Variants in ZNF219 observed in about 807,000 individuals in gnomAD.
The protein encoded by ZNF219 is zinc finger protein 219.
Under a neutral mutation model 54.4 loss-of-function variants are expected in ZNF219, and 17 were observed. That is an observed-to-expected ratio of 0.31 (90% CI 0.21 to 0.47). The LOEUF (loss-of-function observed/expected upper bound fraction) is 0.47, where lower values mean the gene tolerates loss of function less well. Ranked by LOEUF, ZNF219 falls within the 20% of genes least tolerant of loss-of-function variation. The probability of loss-of-function intolerance (pLI) is 1.00; values close to 1 mark genes in which losing one functional copy is unlikely to be tolerated. For synonymous variants in ZNF219, 518 were observed against 476.4 expected (o/e 1.09, Z -1.14); for missense variants, 1,014 against 1,062.3 (o/e 0.95, Z 0.63).
upstream of ZNF219, chr14:21,099,036 C>T (rs551445571): frequency 2.0e-5 from 6 of 292,690 alleles, no homozygotes; most frequent in South Asian, 1.7e-4. Context: ...GCGCCTTCCT[C>T]TCGAATTCTA....
chr14:21,091,052 C>A lies in ZNF219; in HGVS notation c.1653G>T (p.Glu551Asp). The A allele has an allele frequency of 1.9e-6, 3 of 1,560,610 alleles. No individual in the cohort carries two copies. The highest frequency in any genetic ancestry group is 2.6e-6 in the Non-Finnish European group (3 of 1,158,846). Residue 551 changes from glutamate to aspartate, a missense_variant, in exon 5 of 5, where the codon GAG becomes GAT. Transcript: ENST00000360947. Reference sequence around the variant, plus strand: ...GCCCGGGGCCGGCCCCGCTCCTCTGCTCCCGGTGGTGGCGCTGTAGGTGAT... The same window carrying A: ...GCCCGGGGCCGGCCCCGCTCCTCTGATCCCGGTGGTGGCGCTGTAGGTGAT... ...LKYHLQRHHR[E>D]QRSGAGPGPP...
upstream of ZNF219, chr14:21,102,326 C>T (rs535456111): frequency 8.8e-5 from 133 of 1,505,210 alleles, 4 homozygotes; most frequent in South Asian, 1.6e-3. Context: ...TGAGTTTTGT[C>T]TTCAGCTAGG....
At chr14:21,102,325 T>C, upstream of ZNF219, 1 of 1,502,234 alleles carries the variant, frequency 6.7e-7, no homozygotes, top group East Asian at 2.5e-5. Flanking sequence ...CTGAGTTTTG[T>C]CTTCAGCTAG....
upstream of ZNF219, chr14:21,102,190 G>A: frequency 6.7e-7 from 1 of 1,492,420 alleles, no homozygotes; most frequent in Non-Finnish European, 9.0e-7. Flanking sequence ...CTCAGCCTAG[G>A]AAGTAAGTGG....
chr14:21,101,403 A>G, upstream of ZNF219: 1 of 1,551,696 alleles, frequency 6.4e-7, no homozygotes, highest in Non-Finnish European at 8.7e-7. Flanking sequence ...TGGAAAAGCT[A>G]CAACACTGGG....
chr14:21,102,608 C>A (rs1889716846), upstream of ZNF219: 1 of 1,551,096 alleles, frequency 6.4e-7, no homozygotes. Context: ...GGGGTCCCTG[C>A]ATTCTCAGCC....
At chr14:21,098,279 G>T (rs1889408764) in intron 1 of ZNF219, 33 bp downstream of exon 1, 2 of 148,738 alleles carry the variant, frequency 1.3e-5, no homozygotes, top group South Asian at 1.8e-4. Flanking sequence ...TGGCGGACGG[G>T]GGGGCCCGGG....
rs1218895491 is a variant in ZNF219, at chr14:21,092,180, G to A, written c.1117C>T (p.Arg373Cys). The change falls in exon 3 of 5, where the codon CGT becomes TGT. Residue 373 changes from arginine (R) to cysteine (C), a missense_variant. Physicochemically the swap from Arg to Cys is radical, Grantham distance 180. Around this residue, in one of 5 missense-constraint regions of ZNF219, gnomAD observed 272 missense variants for 248.9 expected, o/e 1.09. Coordinates refer to ENST00000360947, the MANE Select transcript of ZNF219 (RefSeq NM_016423.3). ...TAGCCCAAGAGGCTCGGGGGCTCAC[G>A]GCGCTCGGCCGGGGTGGGAGCCGGG... is the stretch of plus-strand genomic sequence containing the variant. ...LAPAPTPAERREPPSLLGYLS... is the reference protein window; with the variant it reads ...LAPAPTPAERCEPPSLLGYLS... The A allele has an allele frequency of 3.5e-6, 5 of 1,441,208 alleles. No homozygotes were observed. The highest frequency in any genetic ancestry group is 2.6e-5 in the East Asian group (1 of 38,236). 89.3% of individuals were successfully genotyped at this position (1,441,208 alleles called of 1,614,324 possible).
chr14:21,092,628 G>C lies in ZNF219; in HGVS notation c.669C>G (p.Ser223=). The change falls in exon 3 of 5, where the codon TCC becomes TCG. Residue 223 remains serine, a synonymous_variant. Coordinates refer to ENST00000360947, the MANE Select transcript of ZNF219 (RefSeq NM_016423.3). ...GAPERPLAAT[S]AAPPPQPQPQ... ...GCTGAGGCTGAGGCGGAGGCGCAGCGGAGGTGGCCGCCAGGGGACGCTCGG... is the reference window on the plus strand; with the variant it reads ...GCTGAGGCTGAGGCGGAGGCGCAGCCGAGGTGGCCGCCAGGGGACGCTCGG... The C allele has an allele frequency of 6.4e-7, 1 of 1,557,816 alleles. No individual in the cohort carries two copies. The highest frequency in any genetic ancestry group is 8.7e-7 in the Non-Finnish European group (1 of 1,153,676).
chr14:21,103,372 G>A (rs1889771200), upstream of ZNF219: 4 of 1,443,452 alleles, frequency 2.8e-6, no homozygotes, highest in East Asian at 2.5e-5. Flanking sequence ...CTCAAAGCAG[G>A]CCCTTTTTTC....
chr14:21,093,606 T>A lies in ZNF219; in HGVS notation c.-15A>T. On this transcript the variant is annotated 5_prime_UTR_variant, in exon 2 of 5. An upstream start codon of the reference 5' UTR is lost. Coordinates refer to ENST00000360947, the MANE Select transcript of ZNF219 (RefSeq NM_016423.3). ...CTCACCTCCATGGACCCCCTTCACATTCTTTGGTTCTGGGAAGTGCAGGGA... is the reference window on the plus strand; with the variant it reads ...CTCACCTCCATGGACCCCCTTCACAATCTTTGGTTCTGGGAAGTGCAGGGA... The A allele has an allele frequency of 6.2e-7, 1 of 1,614,138 alleles. No individual in the cohort carries two copies.
upstream of ZNF219, among the ~76,000 whole-genome samples, chr14:21,099,599 A>G (rs1337511989): frequency 1.3e-5 from 2 of 152,224 alleles, no homozygotes; most frequent in Non-Finnish European, 2.9e-5. Context: ...CCCTCCTCGT[A>G]CTAACTTCTA....
chr14:21,101,476 G>T, upstream of ZNF219: 3 of 1,542,098 alleles, frequency 1.9e-6, no homozygotes, highest in Non-Finnish European at 1.8e-6. Flanking sequence ...CCCCATCCCA[G>T]GTCTCAGCAT....
At chr14:21,091,583 C>A in intron 3 of ZNF219, 41 bp from the exon 4 acceptor site, 2 of 1,573,110 alleles carry the variant, frequency 1.3e-6, no homozygotes, top group Non-Finnish European at 1.7e-6. Context: ...GGGGCCCACA[C>A]CCTGTCCAGG....
chr14:21,091,390 G>A lies in ZNF219; in HGVS notation c.1564+21C>T, dbSNP rs575442219. On this transcript the variant is annotated intron_variant, in intron 4 of 4. Coordinates refer to ENST00000360947, the MANE Select transcript of ZNF219 (RefSeq NM_016423.3). ...TGCCCGCCCCCAGTCCCCTCTCCAC[G>A]CCGGAGGCTGCCTCCCTCACCTGTG... The A allele has an allele frequency of 1.5e-4, 243 of 1,584,628 alleles. No homozygotes were observed. The highest frequency in any genetic ancestry group is 2.1e-4 in the Non-Finnish European group (238 of 1,156,906).
In ZNF219 at chr14:21,091,088, G is replaced by T. The variant is rs757150242; in HGVS notation, c.1617C>A (p.Gly539=). ...PHCDYAGTQS[G]SLKYHLQRHH... ...GGCGCTGTAGGTGATACTTGAGCGA[G>T]CCGGACTGGGTGCCCGCGTAGTCGC... Residue 539 remains glycine, a synonymous_variant, in exon 5 of 5, where the codon GGC becomes GGA. Transcript: ENST00000360947. The T allele has an allele frequency of 1.3e-6, 2 of 1,574,720 alleles. No homozygotes were observed. Among genetic ancestry groups the T allele is most frequent in the South Asian group, 2.3e-5 (2 of 87,086 alleles).
At chr14:21,100,433 A>G (rs948579853), upstream of ZNF219, among the ~76,000 whole-genome samples, 1 of 152,164 alleles carries the variant, frequency 6.6e-6, no homozygotes, top group Non-Finnish European at 1.5e-5. Context: ...CAGAGCTAAG[A>G]TTCCAGCTCA....
At chr14:21,093,465 C>G (rs538913248) in intron 2 of ZNF219, 121 bp downstream of exon 2, 100 of 1,442,098 alleles carry the variant, frequency 6.9e-5, no homozygotes, top group Non-Finnish European at 9.2e-5. Context: ...GTATGGGAAT[C>G]GAGATGTCAG....
upstream of ZNF219, chr14:21,102,518 ACTG>A: frequency 6.4e-7 from 1 of 1,551,726 alleles, no homozygotes. Context: ...CCTCCCAGGT[ACTG>A]GTCAATGAAG....
Sources: gnomAD v4.1 joint callset for allele counts (sites outside exome capture counted in the v4.1 genomes callset) on GRCh38, gnomAD v4.1.1 for gene constraint, gnomAD v4.1.1 regional missense constraint, MANE v1.5 for transcripts, NCBI Gene and HGNC (gene_info 2026-07-23, HGNC 2026-07-21) for gene names.